The following IQCK variants were observed in gnomAD, a reference collection of about 807,000 sequenced individuals.
The protein encoded by IQCK is IQ motif containing K.
A neutral mutation model predicts 28.1 loss-of-function variants in IQCK; 29 were observed. The observed-to-expected ratio is 1.03, with a 90% confidence interval of 0.77 to 1.41. IQCK has a LOEUF of 1.41. IQCK is among the 40% of genes most tolerant of loss of function. IQCK has a pLI of 0.00. For missense variants in IQCK, 359 were observed against 314.7 expected (o/e 1.14, Z -1.07); for synonymous variants, 113 against 115.1 (o/e 0.98, Z 0.12).
At chr16:19,816,800 G>A (rs923856412) in intron 7 of IQCK, among the ~76,000 whole-genome samples, 1 of 152,208 alleles carries the variant, frequency 6.6e-6, no homozygotes, top group Non-Finnish European at 1.5e-5. Flanking sequence ...ATTGATTTAA[G>A]AAATTACTAA....
exon 2 of IQCK, chr16:19,730,441 G>A: frequency 6.2e-7 from 1 of 1,608,654 alleles, no homozygotes. Context: ...GTATGAAGCT[G>A]AGCAGCCTCC....
At chr16:19,836,933 G>C (rs764299961) in intron 9 of IQCK, among the ~76,000 whole-genome samples, 16 of 152,082 alleles carry the variant, frequency 1.1e-4, no homozygotes, top group Non-Finnish European at 1.8e-4. Context: ...TAACCTCTCT[G>C]TGACTCAGTT....
At chr16:19,749,354 A>T (rs757237304) in intron 4 of IQCK, among the ~76,000 whole-genome samples, 1 of 152,214 alleles carries the variant, frequency 6.6e-6, no homozygotes. Flanking sequence ...ATGAAATTTC[A>T]CTGGAACACA....
At chr16:19,729,705 C>T (rs56112689) in intron 1 of IQCK, among the ~76,000 whole-genome samples, 22,662 of 151,282 alleles carry the variant, frequency 0.15, 1,935 homozygotes, top group South Asian at 0.27. Flanking sequence ...AGTGCAGTGG[C>T]GCAATCTCAG....
chr16:19,830,028 A>AATGAATGAATGAATGG (rs2056210410), downstream of IQCK, among the ~76,000 whole-genome samples: 2 of 152,068 alleles, frequency 1.3e-5, no homozygotes, highest in Admixed American at 1.3e-4. Context: ...TGAATGAATG[A>AATGAATGAATGAATGG]ATGAATGAAT....
At chr16:19,845,673 A>G (rs1038618444) in intron 9 of IQCK, among the ~76,000 whole-genome samples, 2 of 152,264 alleles carry the variant, frequency 1.3e-5, no homozygotes, top group Admixed American at 6.5e-5. Flanking sequence ...TGAATAACAC[A>G]TAAACTAAGG....
intron 6 of IQCK, among the ~76,000 whole-genome samples, chr16:19,775,176 G>A (rs764088389): frequency 6.7e-5 from 10 of 150,302 alleles, no homozygotes; most frequent in Non-Finnish European, 1.3e-4. Context: ...GCAGTGAGCC[G>A]AGATTGCGCC....
intron 7 of IQCK, among the ~76,000 whole-genome samples, chr16:19,799,273 T>G (rs2055727450): frequency 1.0e-5 from 1 of 96,730 alleles, no homozygotes; most frequent in Admixed American, 9.6e-5. Context: ...TTTTTTTTAT[T>G]TTTTAAATTT....
Position 19,796,585 on chromosome 16 carries a change from TCTC to T in IQCK, c.690+7666_690+7668del, listed in dbSNP as rs1379394648. Among the ~76,000 whole-genome samples the T allele has an allele frequency of 9.0e-5, 7 of 77,504 alleles. 1 individual carries two copies. Among genetic ancestry groups the T allele is most frequent in the Non-Finnish European group, 1.4e-4 (7 of 48,902 alleles). The allele number at this position is 77,504 out of a possible 152,430, so 50.8% of individuals were successfully genotyped here. A position where few individuals can be genotyped will look rare whatever the true frequency, so the allele number is the denominator to read the frequency against. On this transcript the variant is annotated intron_variant, in intron 7 of 7. Coordinates refer to ENST00000564186, the Ensembl canonical transcript of IQCK. ...CCTCTGCCTCCCGGGTTCAAGCTAT[TCTC>T]CTGCCTCAGCCTCCTGAGTAGCCGG...
chr16:19,816,520 G>C (rs1401169193), intron 7 of IQCK, among the ~76,000 whole-genome samples: 1 of 152,184 alleles, frequency 6.6e-6, no homozygotes, highest in South Asian at 2.1e-4. Context: ...GACCTCAGGG[G>C]ATCCACCCGC....
chr16:19,737,391 G>A (rs1046475985), intron 4 of IQCK, among the ~76,000 whole-genome samples: 4 of 152,096 alleles, frequency 2.6e-5, no homozygotes, highest in African/African-American at 9.7e-5. Flanking sequence ...TGTTTCCTCA[G>A]CAATGCCTTC....
chr16:19,828,734 G>A (rs1427540259), downstream of IQCK, among the ~76,000 whole-genome samples: 27 of 149,118 alleles, frequency 1.8e-4, no homozygotes, highest in Admixed American at 1.6e-3. Context: ...AAAATTAGCC[G>A]GGCATGGTGG....
exon 10 of IQCK, chr16:19,858,038 T>G (rs904565181): frequency 6.5e-6 from 1 of 154,124 alleles, no homozygotes; most frequent in Non-Finnish European, 1.4e-5. Flanking sequence ...TCCTCCCGGG[T>G]CGTTTTCCCC....
At chr16:19,730,605 G>A (rs1977802490) in intron 2 of IQCK, 111 bp downstream of exon 2, 4 of 781,650 alleles carry the variant, frequency 5.1e-6, no homozygotes, top group Admixed American at 7.2e-5. Flanking sequence ...GGAAAGGGAA[G>A]GCACTGGAGC....
intron 7 of IQCK, among the ~76,000 whole-genome samples, chr16:19,803,925 A>G (rs2055797464): frequency 6.6e-6 from 1 of 152,146 alleles, no homozygotes; most frequent in African/African-American, 2.4e-5. Flanking sequence ...TGGGATGACA[A>G]ATGTGGGCCA....
rs139905880 is a variant in IQCK, at chr16:19,810,143, A to G, written c.691-16883A>G. On this transcript the variant is annotated intron_variant, in intron 7 of 7. Coordinates refer to ENST00000564186, the Ensembl canonical transcript of IQCK. ...CCATGTAGGTTCAAGTGCTGGCTAC[A>G]GTATGCACAAGTTTAGGCAAGTTAT... 5.6e-3 allele frequency among the ~76,000 whole-genome samples: 857 copies of G among 152,244 alleles called. 11 individuals carry two copies. The highest frequency in any genetic ancestry group is 0.019 in the African/African-American group (800 of 41,548).
rs1291094129 is a variant in IQCK, at chr16:19,827,115, C to T, written c.780C>T (p.Phe260=). 2.5e-6 allele frequency: 4 copies of T among 1,613,470 alleles called. No individual in the cohort carries two copies. In the East Asian group the frequency reaches 8.9e-5, roughly 36 times the overall value. The stretch of plus-strand genomic sequence containing the variant: ...ACATTCACCAGCAAGTCAAAATTTT[C>T]TGGGCCAAGCAAGAACAAAAAGGTA... The change falls in exon 8 of 8, where the codon TTC becomes TTT. Residue 260 remains phenylalanine (F), a synonymous_variant. Coordinates refer to ENST00000564186, the Ensembl canonical transcript of IQCK.
chr16:19,779,631 C>CATCT (rs746887305), intron 6 of IQCK, among the ~76,000 whole-genome samples: 4 of 151,984 alleles, frequency 2.6e-5, no homozygotes, highest in Non-Finnish European at 5.9e-5. Flanking sequence ...CTTTTTAGAT[C>CATCT]ATCTCATTTC....
intron 4 of IQCK, among the ~76,000 whole-genome samples, chr16:19,739,761 A>G (rs2054806093): frequency 6.6e-6 from 1 of 152,034 alleles, no homozygotes; most frequent in Admixed American, 6.6e-5. Context: ...TCTGCAGTGA[A>G]CCATGATGGC....
Sources: gnomAD v4.1 joint callset for allele counts (sites outside exome capture counted in the v4.1 genomes callset) on GRCh38, gnomAD v4.1.1 for gene constraint, MANE v1.5 for transcripts, NCBI Gene and HGNC (gene_info 2026-07-23, HGNC 2026-07-21) for gene names.